Variants in TAS2R1 observed in about 807,000 individuals in gnomAD.
The protein encoded by TAS2R1 is taste 2 receptor member 1.
For synonymous variants in TAS2R1, 141 were observed against 134.2 expected (o/e 1.05, Z -0.35); for missense variants, 370 against 353.4 (o/e 1.05, Z -0.38).
chr5:9,778,576 C>T, the TAS2R1 span, among the ~76,000 whole-genome samples: 2 of 152,234 alleles, frequency 1.3e-5, no homozygotes, highest in Non-Finnish European at 2.9e-5. Context: ...CAGTGACATT[C>T]ATAACTTGTC....
At chr5:9,744,096 G>T in the TAS2R1 span, among the ~76,000 whole-genome samples, 3 of 152,138 alleles carry the variant, frequency 2.0e-5, no homozygotes, top group African/African-American at 4.8e-5. Flanking sequence ...CTCCCTGACT[G>T]GGGTGATCTC....
intron 1 of TAS2R1, among the ~76,000 whole-genome samples, chr5:9,706,251 G>C (rs1280016297): frequency 6.6e-6 from 1 of 152,138 alleles, no homozygotes. Context: ...GAGTGTTGAG[G>C]CTATCTTGGG....
At chr5:9,702,557 C>T (rs1191128189) in intron 1 of TAS2R1, among the ~76,000 whole-genome samples, 1 of 152,104 alleles carries the variant, frequency 6.6e-6, no homozygotes, top group Non-Finnish European at 1.5e-5. Flanking sequence ...ATTAGAAACC[C>T]ACCCGGCTGA....
intron 1 of TAS2R1, among the ~76,000 whole-genome samples, chr5:9,680,726 C>G (rs1740977101): frequency 6.6e-6 from 1 of 152,070 alleles, no homozygotes; most frequent in East Asian, 1.9e-4. Flanking sequence ...CTGCCACAGT[C>G]AAGAGTAAAC....
the TAS2R1 span, among the ~76,000 whole-genome samples, chr5:9,849,164 A>G: frequency 2.0e-5 from 3 of 152,206 alleles, no homozygotes; most frequent in Non-Finnish European, 4.4e-5. Flanking sequence ...TGTTCCTGGG[A>G]TCCGAACTGA....
chr5:9,742,633 C>A, the TAS2R1 span, among the ~76,000 whole-genome samples: 1 of 152,100 alleles, frequency 6.6e-6, no homozygotes, highest in Non-Finnish European at 1.5e-5. Flanking sequence ...ATTTTCTTAA[C>A]AAAAGAAAAT....
At chr5:9,775,659 T>A in the TAS2R1 span, among the ~76,000 whole-genome samples, 1 of 152,088 alleles carries the variant, frequency 6.6e-6, no homozygotes, top group Admixed American at 6.6e-5. Context: ...AGGTGATGAA[T>A]CCTGCCAGGA....
chr5:9,719,941 A>C, the TAS2R1 span, among the ~76,000 whole-genome samples: 4 of 149,006 alleles, frequency 2.7e-5, no homozygotes, highest in East Asian at 1.9e-4. Context: ...AAAAAAAACA[A>C]AAACAAAAAC....
At chr5:9,862,166 C>G in the TAS2R1 span, among the ~76,000 whole-genome samples, 671 of 151,184 alleles carry the variant, frequency 4.4e-3, 8 homozygotes, top group African/African-American at 0.015. Flanking sequence ...CCTTCAAGTC[C>G]ATTTTACTTG....
At chr5:9,772,812 AC>A in the TAS2R1 span, among the ~76,000 whole-genome samples, 4 of 152,008 alleles carry the variant, frequency 2.6e-5, no homozygotes, top group African/African-American at 7.2e-5. Context: ...AAGTATAGCT[AC>A]TTCTGCTCTT....
the TAS2R1 span, among the ~76,000 whole-genome samples, chr5:9,778,841 T>C: frequency 6.6e-6 from 1 of 152,258 alleles, no homozygotes; most frequent in Non-Finnish European, 1.5e-5. Context: ...ACTTTCTCCA[T>C]GTCAGCAATA....
the TAS2R1 span, among the ~76,000 whole-genome samples, chr5:9,782,461 C>T: frequency 1.4e-3 from 8 of 5,886 alleles, no homozygotes; most frequent in East Asian, 6.5e-3. Flanking sequence ...ATGGGTGGGG[C>T]GGGGCGGGGC....
the TAS2R1 span, among the ~76,000 whole-genome samples, chr5:9,823,493 G>T: frequency 1.4e-5 from 2 of 145,408 alleles, no homozygotes; most frequent in African/African-American, 5.1e-5. Context: ...GGGAAGGGAA[G>T]GGGAAGAGGA....
At chr5:9,664,288 T>C (rs1740590045) in intron 1 of TAS2R1, among the ~76,000 whole-genome samples, 1 of 152,230 alleles carries the variant, frequency 6.6e-6, no homozygotes, top group Non-Finnish European at 1.5e-5. Context: ...CAGAGGTTGT[T>C]ATATCAAATA....
the TAS2R1 span, among the ~76,000 whole-genome samples, chr5:9,769,703 T>A: frequency 6.6e-6 from 1 of 152,328 alleles, no homozygotes; most frequent in Admixed American, 6.5e-5. Flanking sequence ...TTATCACTTG[T>A]ATGTCTTCTT....
At chr5:9,844,502 G>A in the TAS2R1 span, among the ~76,000 whole-genome samples, 1 of 152,132 alleles carries the variant, frequency 6.6e-6, no homozygotes, top group Admixed American at 6.5e-5. Flanking sequence ...TCCTATGTAA[G>A]TCTTCCCTGA....
Position 9,628,975 on chromosome 5 carries a change from A to G in TAS2R1, c.*158T>C. ...CAAAATCAGTTTAACTGCTTGAAAAAGTAGCATATCCACAGAAATACCTCA... is the reference window on the plus strand; with the variant it reads ...CAAAATCAGTTTAACTGCTTGAAAAGGTAGCATATCCACAGAAATACCTCA... On this transcript the variant is annotated 3_prime_UTR_variant, in exon 1 of 1. Coordinates refer to ENST00000382492, the MANE Select transcript of TAS2R1 (RefSeq NM_019599.3). 1.5e-6 allele frequency: 1 copy of G among 680,954 alleles called. No homozygotes were observed. Among genetic ancestry groups the G allele is most frequent in the Non-Finnish European group, 2.2e-6 (1 of 445,768 alleles). The allele number at this position is 680,954 out of a possible 1,614,324, so 42.2% of individuals were successfully genotyped here.
the TAS2R1 span, among the ~76,000 whole-genome samples, chr5:9,804,464 A>G: frequency 6.6e-6 from 1 of 152,186 alleles, no homozygotes; most frequent in Non-Finnish European, 1.5e-5. Flanking sequence ...AGCACATGGA[A>G]CATTCTCCAA....
At chr5:9,772,279 C>T in the TAS2R1 span, among the ~76,000 whole-genome samples, 1 of 152,068 alleles carries the variant, frequency 6.6e-6, no homozygotes, top group Non-Finnish European at 1.5e-5. Flanking sequence ...CATTCTGGAG[C>T]ATATTGTTTA....
Sources: allele counts gnomAD v4.1 joint callset (sites outside exome capture counted in the v4.1 genomes callset), GRCh38; gene constraint gnomAD v4.1.1; transcripts MANE v1.5; gene names NCBI Gene and HGNC (gene_info 2026-07-23, HGNC 2026-07-21).